Variants in TCF4 observed in about 807,000 individuals in gnomAD.
TCF4 encodes SL3-3 enhancer factor 2.
Under a neutral mutation model 82.1 loss-of-function variants are expected in TCF4, and 3 were observed. That is an observed-to-expected ratio of 0.04 (90% CI 0.02 to 0.09). The LOEUF (loss-of-function observed/expected upper bound fraction) is 0.09. Ranked by LOEUF, TCF4 falls within the 10% of genes least tolerant of loss-of-function variation. TCF4 has a pLI of 1.00. For synonymous variants in TCF4, 276 were observed against 309.6 expected (o/e 0.89, Z 1.14); for missense variants, 518 against 852.7 (o/e 0.61, Z 4.89).
At chr18:55,522,133 G>A (rs946756929) in intron 3 of TCF4, among the ~76,000 whole-genome samples, 1 of 152,152 alleles carries the variant, frequency 6.6e-6, no homozygotes, top group African/African-American at 2.4e-5. Flanking sequence ...GATGTTACCA[G>A]AGTGATGATA....
chr18:55,600,880 A>C (rs1378529191), intron 2 of TCF4, among the ~76,000 whole-genome samples: 2 of 152,192 alleles, frequency 1.3e-5, no homozygotes, highest in African/African-American at 4.8e-5. Context: ...ATTTACAAAG[A>C]ATTTACATTG....
chr18:55,333,671 C>T (rs182655256), intron 8 of TCF4, among the ~76,000 whole-genome samples: 15 of 152,258 alleles, frequency 9.9e-5, no homozygotes, highest in Admixed American at 9.8e-4. Flanking sequence ...TAAAATTGGG[C>T]CATACCACCC....
At chr18:55,321,651 G>C in intron 8 of TCF4, 1 of 1,536,008 alleles carries the variant, frequency 6.5e-7, no homozygotes, top group Non-Finnish European at 8.7e-7. Context: ...AATCCCCCTC[G>C]CAGCCCGCAT....
intron 6 of TCF4, among the ~76,000 whole-genome samples, chr18:55,370,067 A>G (rs1420168280): frequency 6.6e-6 from 1 of 152,206 alleles, no homozygotes; most frequent in Admixed American, 6.5e-5. Flanking sequence ...AGCTTTACCC[A>G]CAACCAGCAC....
chr18:55,525,153 G>C (rs2096968493), intron 3 of TCF4, among the ~76,000 whole-genome samples: 1 of 151,194 alleles, frequency 6.6e-6, no homozygotes, highest in Non-Finnish European at 1.5e-5. Flanking sequence ...ATCAGATTTA[G>C]GTACAGTTTT....
At chr18:55,591,319 T>C (rs1195556587), upstream of TCF4, 2 of 152,202 alleles carry the variant, frequency 1.3e-5, no homozygotes, top group African/African-American at 4.8e-5. Flanking sequence ...TCTGCTTAGA[T>C]GATGTAATGA....
At position 55,350,342 on chromosome 18, in the gene TCF4, A is replaced by T; in HGVS notation, c.549+17T>A. On this transcript the variant is annotated intron_variant, in intron 8 of 19. Transcript: ENST00000354452. ...ACAAAATAAGCAATATACAAAGCAG[A>T]AACAAGCAGTACTTACTGAAGATGG... 6.2e-7 allele frequency: 1 copy of T among 1,612,796 alleles called. No homozygotes were observed. The highest frequency in any genetic ancestry group is 8.5e-7 in the Non-Finnish European group (1 of 1,178,942).
intron 3 of TCF4, among the ~76,000 whole-genome samples, chr18:55,544,843 C>G (rs2097192359): frequency 1.3e-5 from 2 of 152,030 alleles, no homozygotes; most frequent in African/African-American, 2.4e-5. Flanking sequence ...AGAAAATGAC[C>G]AGATCAGCAC....
upstream of TCF4, among the ~76,000 whole-genome samples, chr18:55,590,811 A>G (rs2097683984): frequency 6.6e-6 from 1 of 152,240 alleles, no homozygotes; most frequent in Non-Finnish European, 1.5e-5. Flanking sequence ...GGCTACTTTA[A>G]GCCTAAGAAT....
chr18:55,327,981 A>G (rs926931766), intron 8 of TCF4, among the ~76,000 whole-genome samples: 4 of 152,206 alleles, frequency 2.6e-5, no homozygotes, highest in African/African-American at 4.8e-5. Context: ...CTACATGAAC[A>G]TAACATCTTC....
At chr18:55,527,329 C>T (rs892315201) in intron 3 of TCF4, among the ~76,000 whole-genome samples, 2 of 152,182 alleles carry the variant, frequency 1.3e-5, no homozygotes, top group Non-Finnish European at 2.9e-5. Context: ...ACTGTAACAG[C>T]TATCTGGAAG....
chr18:55,384,810 G>T (rs910838106), intron 6 of TCF4, among the ~76,000 whole-genome samples: 2 of 152,078 alleles, frequency 1.3e-5, no homozygotes, highest in African/African-American at 4.8e-5. Context: ...CAATATTGGC[G>T]GTGGGGTCAG....
chr18:55,367,786 C>A (rs1340640916), intron 6 of TCF4, among the ~76,000 whole-genome samples: 1 of 152,130 alleles, frequency 6.6e-6, no homozygotes, highest in South Asian at 2.1e-4. Flanking sequence ...AAATACCCCA[C>A]AAAAGCTGTA....
chr18:55,404,784 G>A (rs1034788867), intron 5 of TCF4, among the ~76,000 whole-genome samples: 4 of 152,174 alleles, frequency 2.6e-5, no homozygotes, highest in African/African-American at 9.6e-5. Context: ...GGTCAAAAGG[G>A]TATCCTGTAT....
At chr18:55,356,283 C>T (rs964034454) in intron 6 of TCF4, among the ~76,000 whole-genome samples, 10 of 152,072 alleles carry the variant, frequency 6.6e-5, no homozygotes, top group African/African-American at 1.9e-4. Flanking sequence ...GGAAAAGTTA[C>T]TATAAAAAGT....
At chr18:55,401,845 C>G in intron 6 of TCF4, 1 of 943,328 alleles carries the variant, frequency 1.1e-6, no homozygotes, top group Non-Finnish European at 1.3e-6. Flanking sequence ...AGGGGCCCAG[C>G]GAAAACAGAG....
At chr18:55,354,394 G>A (rs1392547156) in intron 6 of TCF4, among the ~76,000 whole-genome samples, 4 of 152,026 alleles carry the variant, frequency 2.6e-5, no homozygotes, top group Admixed American at 6.6e-5. Flanking sequence ...AATGTCTTTC[G>A]AACACATTCT....
intron 8 of TCF4, among the ~76,000 whole-genome samples, chr18:55,336,594 C>A (rs781171022): frequency 5.3e-5 from 8 of 151,900 alleles, no homozygotes; most frequent in African/African-American, 7.3e-5. Flanking sequence ...AAGAAGCTAC[C>A]ATTTGAAGGC....
intron 6 of TCF4, among the ~76,000 whole-genome samples, chr18:55,362,082 G>A (rs2085336992): frequency 6.6e-6 from 1 of 152,086 alleles, no homozygotes; most frequent in African/African-American, 2.4e-5. Context: ...TCACATGCTT[G>A]GAGCCTCCCA....
Sources: gnomAD v4.1 joint callset for allele counts (sites outside exome capture counted in the v4.1 genomes callset) on GRCh38, gnomAD v4.1.1 for gene constraint, MANE v1.5 for transcripts, NCBI Gene and HGNC (gene_info 2026-07-23, HGNC 2026-07-21) for gene names.